GOLGA4: variants seen among roughly 807,000 people sequenced by gnomAD.
GOLGA4 encodes the protein golgin subfamily A member 4.
In GOLGA4, 169 loss-of-function variants were observed where a neutral mutation model predicts 265.9. That is an observed-to-expected ratio of 0.64 (90% confidence interval 0.56 to 0.72). The LOEUF is 0.72. Ranked by LOEUF, GOLGA4 falls within the 30% of genes least tolerant of loss-of-function variation. The pLI is 0.00. For missense variants in GOLGA4, 2,482 were observed against 2,483.4 expected (o/e 1.00, Z 0.01); for synonymous variants, 923 against 855.8 (o/e 1.08, Z -1.37).
At chr3:37,352,518 G>A (rs2097077744) in intron 21 of GOLGA4, among the ~76,000 whole-genome samples, 1 of 152,012 alleles carries the variant, frequency 6.6e-6, no homozygotes, top group Non-Finnish European at 1.5e-5. Flanking sequence ...GGTGGGGACA[G>A]AGCCAAATCA....
chr3:37,301,481 T>C (rs60330515), intron 9 of GOLGA4, among the ~76,000 whole-genome samples: 62,581 of 152,014 alleles, frequency 0.41, 13,426 homozygotes, highest in African/African-American at 0.46. Context: ...CATGTTATAG[T>C]ACAGATCAAT....
At chr3:37,275,642 G>A (rs112836584) in intron 2 of GOLGA4, 16 of 1,602,254 alleles carry the variant, frequency 1.0e-5, no homozygotes, top group South Asian at 3.3e-5. Context: ...CTCCAGCTTC[G>A]CCCACTTCCC....
rs999949436 is a variant in GOLGA4 at position 37,326,530 on chromosome 3, T to G, written c.4644T>G (p.Leu1548=). 2 of 1,607,096 alleles carry G rather than the reference T, an allele frequency of 1.2e-6. No individual in the cohort carries two copies. The highest frequency in any genetic ancestry group is 1.7e-6 in the Non-Finnish European group (2 of 1,176,452). ...TIEIESLNEV[L]KNYNQQKDIE... ...AAATAGAGTCCTTAAATGAAGTTCT[T>G]AAAAATTACAATCAACAAAAGGATA... The change falls in exon 14 of 24, where the codon CTT becomes CTG. Residue 1548 remains leucine (L), a synonymous_variant. Coordinates refer to ENST00000361924, the MANE Select transcript of GOLGA4 (RefSeq NM_002078.5).
Position 37,295,117 on chromosome 3 carries a change from A to C in GOLGA4, c.681+40A>C, listed in dbSNP as rs752609264. 5.0e-6 allele frequency: 6 copies of C among 1,195,920 alleles called. No homozygotes were observed. In the South Asian group the frequency reaches 8.6e-5, roughly 17 times the overall value. The allele number at this position is 1,195,920 out of a possible 1,614,324, so 74.1% of individuals were successfully genotyped here. A position where few individuals can be genotyped will look rare whatever the true frequency, so the allele number is the denominator to read the frequency against. On this transcript the variant is annotated intron_variant, in intron 6 of 23. Transcript: ENST00000361924. Reference sequence around the variant, plus strand: ...GAAAAAGTGTGGAATTTTTTGGATAAAGAAAAATAGAGGGGGTTTGATTTG... The same window carrying C: ...GAAAAAGTGTGGAATTTTTTGGATACAGAAAAATAGAGGGGGTTTGATTTG...
chr3:37,330,455 G>A (rs2096986338), intron 16 of GOLGA4, among the ~76,000 whole-genome samples: 2 of 152,140 alleles, frequency 1.3e-5, no homozygotes, highest in South Asian at 2.1e-4. Context: ...TCTTTGTCTC[G>A]GGATGTGTGG....
At chr3:37,278,874 G>A (rs550204026) in intron 2 of GOLGA4, among the ~76,000 whole-genome samples, 1 of 148,592 alleles carries the variant, frequency 6.7e-6, no homozygotes, top group African/African-American at 2.5e-5. Flanking sequence ...GTGCAGTGGT[G>A]CAGTCATAGC....
chr3:37,258,948 T>C (rs948929552), intron 2 of GOLGA4, among the ~76,000 whole-genome samples: 4 of 152,150 alleles, frequency 2.6e-5, no homozygotes, highest in African/African-American at 9.7e-5. Context: ...GCAGTTTTCT[T>C]TTTTTGTGAT....
intron 2 of GOLGA4, among the ~76,000 whole-genome samples, chr3:37,273,029 T>C (rs1207066617): frequency 6.6e-6 from 1 of 152,206 alleles, no homozygotes; most frequent in East Asian, 1.9e-4. Context: ...TTTAAGTTCT[T>C]CTGAAAATTA....
chr3:37,256,847 A>G (rs754541098), intron 2 of GOLGA4, among the ~76,000 whole-genome samples: 1 of 152,068 alleles, frequency 6.6e-6, no homozygotes, highest in Non-Finnish European at 1.5e-5. Context: ...TTTTTCAGCG[A>G]TAGGGTATCA....
At chr3:37,299,102 G>T in intron 8 of GOLGA4, 82 bp downstream of exon 8, 1 of 1,231,278 alleles carries the variant, frequency 8.1e-7, no homozygotes. Flanking sequence ...GTACCTCCGG[G>T]AGAGGAGAGT....
At chr3:37,244,768 A>C (rs368380697) in intron 1 of GOLGA4, among the ~76,000 whole-genome samples, 4 of 152,252 alleles carry the variant, frequency 2.6e-5, no homozygotes, top group African/African-American at 4.8e-5. Context: ...TCAGAACACA[A>C]CACTGAAGGG....
chr3:37,284,951 C>T (rs2096844448), intron 3 of GOLGA4, among the ~76,000 whole-genome samples: 1 of 152,114 alleles, frequency 6.6e-6, no homozygotes, highest in Non-Finnish European at 1.5e-5. Flanking sequence ...AGGTGTGAGC[C>T]ACCATGCCTG....
intron 10 of GOLGA4, among the ~76,000 whole-genome samples, chr3:37,314,212 CA>C (rs1559415468): frequency 6.6e-6 from 1 of 152,088 alleles, no homozygotes; most frequent in Non-Finnish European, 1.5e-5. Flanking sequence ...TCACCTACCT[CA>C]GCCTCCAAAA....
Position 37,282,190 on chromosome 3 carries a change from A to C in GOLGA4, c.395A>C (p.Asp132Ala), listed in dbSNP as rs544160819. 4 of 1,613,986 alleles carry C rather than the reference A, an allele frequency of 2.5e-6. No individual in the cohort carries two copies. Among genetic ancestry groups the C allele is most frequent in the Non-Finnish European group, 2.5e-6 (3 of 1,179,948 alleles). ...GCTGAAGACTTGGTAGGGAATTCAG[A>C]CAGTCTCAACAAAGAACAGTTGATT... ...SEAEDLVGNS[D>A]SLNKEQLIQR... The change falls in exon 3 of 24, where the codon GAC becomes GCC. Residue 132 changes from aspartate (D) to alanine (A), a missense_variant. Physicochemically the swap from Asp to Ala is moderately radical, Grantham distance 126. Coordinates refer to ENST00000361924, the MANE Select transcript of GOLGA4 (RefSeq NM_002078.5).
chr3:37,322,663 AC>A (rs2096958360), intron 13 of GOLGA4, among the ~76,000 whole-genome samples: 1 of 152,240 alleles, frequency 6.6e-6, no homozygotes, highest in African/African-American at 2.4e-5. Flanking sequence ...TAATTTCGTC[AC>A]CTGTCACATG....
chr3:37,276,530 A>G lies in GOLGA4; in HGVS notation c.163-5428A>G, dbSNP rs1031848217. On this transcript the variant is annotated intron_variant, in intron 2 of 23. Coordinates refer to ENST00000361924, the MANE Select transcript of GOLGA4 (RefSeq NM_002078.5). ...CACTTACACACAGGTACAAACCCGT[A>G]GTGCTGATGAACCAGTGACAACATT... The G allele has an allele frequency of 8.7e-6, 14 of 1,602,688 alleles. No individual in the cohort carries two copies. The African/African-American group carries it at 1.3e-4, about 15-fold the overall frequency.
chr3:37,295,962 G>A, intron 6 of GOLGA4, 125 bp from the exon 7 acceptor site: 1 of 744,380 alleles, frequency 1.3e-6, no homozygotes, highest in East Asian at 2.5e-5. Context: ...TAATGGACTT[G>A]AGCTCCTGCG....
chr3:37,330,857 A>G (rs368650481), intron 16 of GOLGA4, among the ~76,000 whole-genome samples: 1 of 151,986 alleles, frequency 6.6e-6, no homozygotes, highest in East Asian at 1.9e-4. Context: ...GTGAAACTCC[A>G]TCTCTACTAA....
rs182544232 is a variant in GOLGA4, at chr3:37,308,817, G to A, written c.1234+6485G>A. Among the ~76,000 whole-genome samples, 1,344 of 151,898 alleles carry A rather than the reference G, an allele frequency of 8.8e-3. 28 individuals are homozygous for A. The highest frequency in any genetic ancestry group is 0.031 in the African/African-American group (1,277 of 41,456). ...TTTTTAGTAGAGACGGAGTTTCACC[G>A]TGTTAGCCAGGATGGTCTCAAACTC... On this transcript the variant is annotated intron_variant, in intron 10 of 23. Coordinates refer to ENST00000361924, the MANE Select transcript of GOLGA4 (RefSeq NM_002078.5).
Sources: allele counts gnomAD v4.1 joint callset (sites outside exome capture counted in the v4.1 genomes callset), GRCh38; gene constraint gnomAD v4.1.1; transcripts MANE v1.5; gene names NCBI Gene and HGNC (gene_info 2026-07-23, HGNC 2026-07-21).